Variants in ADARB2 observed in about 807,000 individuals in gnomAD.
ADARB2 encodes the protein inactive double-stranded RNA-specific editase B2.
ADARB2 carries 25 observed loss-of-function variants against 62.2 expected under a neutral mutation model. The ratio of observed to expected loss-of-function variants is 0.40; its 90% CI spans 0.29 to 0.56. ADARB2 has a LOEUF of 0.56. Among genes scored for constraint, ADARB2 ranks in the 20% least tolerant of loss-of-function variants. ADARB2 has a pLI of 0.43. For missense variants in ADARB2, 1,071 were observed against 1,077.4 expected (o/e 0.99, Z 0.08); for synonymous variants, 572 against 500.8 (o/e 1.14, Z -1.90).
chr10:1,363,399 G>A lies in ADARB2; in HGVS notation c.706C>T (p.Leu236Phe), dbSNP rs577247158. Residue 236 changes from leucine to phenylalanine, a missense_variant, in exon 3 of 10, where the codon CTC (leucine) becomes TTC (phenylalanine). Transcript: ENST00000381312. ...EFEPPAPRPGLAGGRPGDAAL... is the reference protein window; with the variant it reads ...EFEPPAPRPGFAGGRPGDAAL... Reference sequence around the variant, plus strand: ...GCGTCCCCGGGGCGGCCTCCCGCGAGTCCGGGGCGCGGCGCCGGGGGCTCG... The same window carrying A: ...GCGTCCCCGGGGCGGCCTCCCGCGAATCCGGGGCGCGGCGCCGGGGGCTCG... The A allele has an allele frequency of 9.0e-4, 1,222 of 1,352,418 alleles. 6 individuals carry two copies. The Middle Eastern group carries it at 0.011, about 13-fold the overall frequency. The allele number at this position is 1,352,418 out of a possible 1,614,324, so 83.8% of individuals were successfully genotyped here. A position where few individuals can be genotyped will look rare whatever the true frequency, so the allele number is the denominator to read the frequency against.
Position 1,327,001 on chromosome 10 carries a change from CT to C in ADARB2, c.1077+36026del, listed in dbSNP as rs1564258011. Among the ~76,000 whole-genome samples, 6 of 36,628 alleles carry C rather than the reference CT, an allele frequency of 1.6e-4. 2 individuals are homozygous for C. Among genetic ancestry groups the C allele is most frequent in the African/African-American group, 2.0e-4 (2 of 9,804 alleles). 24.0% of individuals were successfully genotyped at this position (36,628 alleles called of 152,430 possible). ...CTCCCCACGGCCCAGCGCCTCCCCA[CT>C]GCCCAGCGCCTCCCCACGGCACAGC... is the stretch of plus-strand genomic sequence containing the variant. On this transcript the variant is annotated intron_variant, in intron 3 of 9. Coordinates refer to ENST00000381312, the MANE Select transcript of ADARB2 (RefSeq NM_018702.4).
intron 2 of ADARB2, among the ~76,000 whole-genome samples, chr10:1,373,986 C>G: frequency 7.8e-6 from 1 of 127,508 alleles, no homozygotes; most frequent in East Asian, 3.7e-4. Flanking sequence ...ACCGCGTGGA[C>G]TCCGTGCACC....
Position 1,293,184 on chromosome 10 carries a change from A to G in ADARB2, c.1078-22115T>C, listed in dbSNP as rs556517791. ...GTAAGAAGGGGGGAGAGGGGGAGAG[A>G]AAGACAGGAATAGAAAAAAGAGGGA... On this transcript the variant is annotated intron_variant, in intron 3 of 9. Coordinates refer to ENST00000381312, the MANE Select transcript of ADARB2 (RefSeq NM_018702.4). Among the ~76,000 whole-genome samples the G allele has an allele frequency of 1.8e-4, 7 of 39,798 alleles. No individual in the cohort carries two copies. The South Asian group carries it at 5.1e-3, about 29-fold the overall frequency. The allele number at this position is 39,798 out of a possible 152,430, so 26.1% of individuals were successfully genotyped here.
At chr10:1,393,128 C>T (rs1033396221) in intron 1 of ADARB2, among the ~76,000 whole-genome samples, 1 of 152,212 alleles carries the variant, frequency 6.6e-6, no homozygotes, top group Non-Finnish European at 1.5e-5. Context: ...ACTAGTCGCA[C>T]AGCCAAATTT....
chr10:1,372,387 T>C (rs1832380606), intron 2 of ADARB2, among the ~76,000 whole-genome samples: 1 of 152,154 alleles, frequency 6.6e-6, no homozygotes, highest in Non-Finnish European at 1.5e-5. Flanking sequence ...ATGGGTACAC[T>C]AGCAGCCCAA....
intron 1 of ADARB2, among the ~76,000 whole-genome samples, chr10:1,506,504 C>T (rs566819328): frequency 2.0e-5 from 3 of 152,190 alleles, no homozygotes; most frequent in Non-Finnish European, 4.4e-5. Context: ...GTTTCAGCGA[C>T]AGCCTGTCTA....
At chr10:1,275,114 A>T (rs187054391) in intron 3 of ADARB2, among the ~76,000 whole-genome samples, 1 of 152,226 alleles carries the variant, frequency 6.6e-6, no homozygotes, top group Non-Finnish European at 1.5e-5. Context: ...TTTGAGGAAC[A>T]GCTGGGGTGG....
At chr10:1,274,108 C>T (rs949742775) in intron 3 of ADARB2, among the ~76,000 whole-genome samples, 7 of 152,236 alleles carry the variant, frequency 4.6e-5, no homozygotes, top group Admixed American at 2.0e-4. Flanking sequence ...AGGAGAGCTT[C>T]CCTTTCTCAG....
intron 1 of ADARB2, among the ~76,000 whole-genome samples, chr10:1,659,023 A>G (rs1485091346): frequency 2.6e-5 from 4 of 152,190 alleles, no homozygotes; most frequent in Non-Finnish European, 5.9e-5. Flanking sequence ...TACGGAGAGT[A>G]TGACATGTCA....
intron 1 of ADARB2, among the ~76,000 whole-genome samples, chr10:1,705,121 A>T (rs1834872727): frequency 6.6e-6 from 1 of 152,260 alleles, no homozygotes; most frequent in Non-Finnish European, 1.5e-5. Flanking sequence ...TTAAAGTGGC[A>T]TTTCTTCACA....
At chr10:1,209,659 C>T (rs549470850) in intron 7 of ADARB2, among the ~76,000 whole-genome samples, 5 of 151,302 alleles carry the variant, frequency 3.3e-5, no homozygotes, top group African/African-American at 9.7e-5. Context: ...ATGCCTGCAC[C>T]GTCACCCACA....
intron 1 of ADARB2, among the ~76,000 whole-genome samples, chr10:1,472,283 G>A (rs1220704471): frequency 6.6e-6 from 1 of 152,240 alleles, no homozygotes; most frequent in Non-Finnish European, 1.5e-5. Context: ...GAGGGGCAAG[G>A]GTGGCCACAG....
intron 3 of ADARB2, among the ~76,000 whole-genome samples, chr10:1,286,311 T>G (rs886684937): frequency 6.6e-6 from 1 of 152,200 alleles, no homozygotes; most frequent in South Asian, 2.1e-4. Flanking sequence ...GAAGATGATC[T>G]TCCCTGACTT....
intron 6 of ADARB2, among the ~76,000 whole-genome samples, chr10:1,226,502 C>CA (rs1259634386): frequency 2.0e-5 from 3 of 152,176 alleles, no homozygotes; most frequent in African/African-American, 7.2e-5. Context: ...TTAGAGTTTC[C>CA]AGTTTTTCTG....
Position 1,231,261 on chromosome 10 carries a change from G to C in ADARB2, c.1513+2433C>G, listed in dbSNP as rs148913574. On this transcript the variant is annotated intron_variant, in intron 6 of 9. Transcript: ENST00000381312. ...TTCCTCTCAATTCTGAGGGTTCCTA[G>C]CTGGGTCTTTACGATGCCAACCCTT... is the stretch of plus-strand genomic sequence containing the variant. Among the ~76,000 whole-genome samples, 299 of 152,320 alleles carry C rather than the reference G, an allele frequency of 2.0e-3. 3 individuals are homozygous for C. Among genetic ancestry groups the C allele is most frequent in the African/African-American group, 6.5e-3 (272 of 41,570 alleles).
chr10:1,274,447 C>T (rs185358725), intron 3 of ADARB2, among the ~76,000 whole-genome samples: 17 of 152,298 alleles, frequency 1.1e-4, no homozygotes, highest in South Asian at 2.1e-4. Context: ...TTCCCAATGA[C>T]GTGTGTAGCT....
chr10:1,461,909 G>A (rs1831179508), intron 1 of ADARB2, among the ~76,000 whole-genome samples: 1 of 152,174 alleles, frequency 6.6e-6, no homozygotes, highest in African/African-American at 2.4e-5. Flanking sequence ...GGCTGAGGCA[G>A]GAGAATCGCT....
In ADARB2 at chr10:1,592,385, TCGCC is replaced by T. The variant is rs1564341084; in HGVS notation, c.100+144662_100+144665del. 1.6e-4 allele frequency among the ~76,000 whole-genome samples: 13 copies of T among 83,192 alleles called. 4 individuals carry two copies. The highest frequency in any genetic ancestry group is 4.7e-4 in the Admixed American group (4 of 8,580). The allele number at this position is 83,192 out of a possible 152,430, so 54.6% of individuals were successfully genotyped here. On this transcript the variant is annotated intron_variant, in intron 1 of 9. Transcript: ENST00000381312. ...GGTCCCCTCTGTCACCCAGCTCCCT[TCGCC>T]CAAGCCACCCTCCATAGGTCTCCTC... is the stretch of plus-strand genomic sequence containing the variant.
intron 1 of ADARB2, among the ~76,000 whole-genome samples, chr10:1,463,335 C>G (rs1243500704): frequency 6.6e-6 from 1 of 152,132 alleles, no homozygotes; most frequent in Non-Finnish European, 1.5e-5. Context: ...GATGAAGCTG[C>G]CTCCCGCCCT....
Sources: gnomAD v4.1 joint callset for allele counts (sites outside exome capture counted in the v4.1 genomes callset) on GRCh38, gnomAD v4.1.1 for gene constraint, MANE v1.5 for transcripts, NCBI Gene and HGNC (gene_info 2026-07-23, HGNC 2026-07-21) for gene names.